The following CHP1 variants were observed in gnomAD, a reference collection of about 807,000 sequenced individuals.
The protein encoded by CHP1 is calcineurin B homologous protein 1.
In CHP1, 11 loss-of-function variants were observed where a neutral mutation model predicts 27.4. The ratio of observed to expected loss-of-function variants is 0.40; its 90% CI spans 0.25 to 0.67. The LOEUF is 0.67. CHP1 is among the 30% of genes least tolerant of loss of function. The probability of loss-of-function intolerance (pLI) is 0.38; values close to 1 mark genes in which losing one functional copy is unlikely to be tolerated. For synonymous variants in CHP1, 89 were observed against 87.4 expected, an observed-to-expected ratio of 1.02 and a Z score of -0.10; for missense variants, 169 against 251.3, an observed-to-expected ratio of 0.67 and a Z score of 2.22.
chr15:41,260,349 A>T (rs1328960245), intron 3 of CHP1, among the ~76,000 whole-genome samples: 2 of 151,946 alleles, frequency 1.3e-5, no homozygotes, highest in African/African-American at 2.4e-5. Flanking sequence ...ATTTTCTCCA[A>T]GCTTAAGTAC....
chr15:41,278,042 T>G (rs2047528006), intron 5 of CHP1, among the ~76,000 whole-genome samples: 1 of 150,508 alleles, frequency 6.6e-6, no homozygotes. Context: ...TTTAACAAAT[T>G]TTTTGGCCGG....
In CHP1 at chr15:41,260,903, TG is replaced by T. The variant is rs1253500204; in HGVS notation, c.222-1852del. ...AGAAGAAAATGCATTCATATATATA[TG>T]AGGGAGTCTTGCACCGTCACCTGGG... is the stretch of plus-strand genomic sequence containing the variant. On this transcript the variant is annotated intron_variant, in intron 3 of 6. Transcript: ENST00000334660. 2.6e-5 allele frequency among the ~76,000 whole-genome samples: 4 copies of T among 151,650 alleles called. No homozygotes were observed. In the East Asian group the frequency reaches 7.9e-4, roughly 30 times the overall value.
intron 1 of CHP1, among the ~76,000 whole-genome samples, chr15:41,243,116 G>A (rs1276795911): frequency 6.6e-6 from 1 of 152,122 alleles, no homozygotes; most frequent in African/African-American, 2.4e-5. Context: ...GAGGCGAGTG[G>A]ATCACCTGAG....
At chr15:41,256,770 A>C (rs1043200577) in intron 2 of CHP1, 140 bp from the exon 3 acceptor site, 8 of 704,624 alleles carry the variant, frequency 1.1e-5, no homozygotes, top group Non-Finnish European at 2.1e-5. Flanking sequence ...TATTCTTTGC[A>C]GTTATTTGGT....
intron 5 of CHP1, among the ~76,000 whole-genome samples, chr15:41,275,011 A>C (rs892284597): frequency 2.6e-5 from 4 of 151,970 alleles, no homozygotes; most frequent in African/African-American, 9.7e-5. Flanking sequence ...GCTGGTCTCC[A>C]ACTCCTGACC....
At chr15:41,273,437 A>AG (rs1217984698) in intron 5 of CHP1, among the ~76,000 whole-genome samples, 1 of 152,084 alleles carries the variant, frequency 6.6e-6, no homozygotes, top group Non-Finnish European at 1.5e-5. Context: ...GCTGGAGAGC[A>AG]GTGGCGTGAT....
intron 5 of CHP1, among the ~76,000 whole-genome samples, chr15:41,277,083 T>C (rs1346084622): frequency 6.6e-6 from 1 of 152,182 alleles, no homozygotes; most frequent in African/African-American, 2.4e-5. Context: ...ATTGCCTAGA[T>C]GAGAAGATAA....
Position 41,243,688 on chromosome 15 carries a change from G to A in CHP1, c.89G>A (p.Arg30His), listed in dbSNP as rs755681626. Residue 30 changes from arginine (R) to histidine (H), a missense_variant, in exon 2 of 7, where the codon CGC (arginine) becomes CAC (histidine). By Grantham distance (29) the Arg-to-His change is conservative. Transcript: ENST00000334660. ...TTAGTTTCCCACAGTCAAATCACTC[G>A]CCTCTACAGCCGGTTCACCAGCCTG... ...ETGFSHSQIT[R>H]LYSRFTSLDK... 5.6e-6 allele frequency: 9 copies of A among 1,613,884 alleles called. No homozygotes were observed. The highest frequency in any genetic ancestry group is 6.8e-6 in the Non-Finnish European group (8 of 1,179,972).
intron 5 of CHP1, among the ~76,000 whole-genome samples, chr15:41,275,550 A>G (rs2047515146): frequency 6.6e-6 from 1 of 152,086 alleles, no homozygotes; most frequent in Non-Finnish European, 1.5e-5. Flanking sequence ...AAAATCATGT[A>G]ATTTACTATT....
chr15:41,264,197 G>A (rs72739605), intron 4 of CHP1: 134,548 of 1,282,832 alleles, frequency 0.1, 8,412 homozygotes, highest in South Asian at 0.22. Context: ...GAGAGAGATC[G>A]AGACTGAAAT....
At chr15:41,260,788 A>G (rs1243461228) in intron 3 of CHP1, among the ~76,000 whole-genome samples, 1 of 152,144 alleles carries the variant, frequency 6.6e-6, no homozygotes, top group Non-Finnish European at 1.5e-5. Context: ...AAATGTTTCA[A>G]AGTATTTATA....
intron 2 of CHP1, among the ~76,000 whole-genome samples, chr15:41,245,592 A>T (rs2047330687): frequency 6.6e-6 from 1 of 152,248 alleles, no homozygotes; most frequent in African/African-American, 2.4e-5. Context: ...AGTCTGTCAT[A>T]TGGATATGCC....
rs34921023 is a variant in CHP1, at chr15:41,280,505, ATTTTTTTTTTTTT to A, written c.*1131_*1143del. ...GGAAGTGCCTAATATCCCAGTCCAA[ATTTTTTTTTTTTT>A]TTTTTTTTTTTTTTGAGACAGAGTC... On this transcript the variant is annotated 3_prime_UTR_variant, in exon 7 of 7. Coordinates refer to ENST00000334660, the MANE Select transcript of CHP1 (RefSeq NM_007236.5). 2 of 111,340 alleles carry A rather than the reference ATTTTTTTTTTTTT, an allele frequency of 1.8e-5. No individual in the cohort carries two copies. Among genetic ancestry groups the A allele is most frequent in the Admixed American group, 1.1e-4 (1 of 8,740 alleles). 6.9% of individuals were successfully genotyped at this position (111,340 alleles called of 1,614,324 possible).
intron 2 of CHP1, chr15:41,256,693 C>T: frequency 1.8e-6 from 1 of 550,746 alleles, no homozygotes; most frequent in East Asian, 3.2e-5. Context: ...TGGAATGTGG[C>T]GTAATCAAAT....
chr15:41,260,060 C>G (rs990531589), intron 3 of CHP1, among the ~76,000 whole-genome samples: 1 of 152,186 alleles, frequency 6.6e-6, no homozygotes, highest in Non-Finnish European at 1.5e-5. Flanking sequence ...AGATGGCTCA[C>G]AGGCTAGCCT....
chr15:41,270,803 A>G (rs2047484823), intron 5 of CHP1, among the ~76,000 whole-genome samples, 185 bp downstream of exon 5: 1 of 152,214 alleles, frequency 6.6e-6, no homozygotes, highest in African/African-American at 2.4e-5. Flanking sequence ...TTTCATAGAC[A>G]GATGTCTCCA....
intron 2 of CHP1, among the ~76,000 whole-genome samples, chr15:41,251,980 G>A (rs556750392): frequency 3.3e-5 from 5 of 151,774 alleles, no homozygotes; most frequent in Admixed American, 6.6e-5. Context: ...GACCTCAGGC[G>A]ATCTGCCCAC....
intron 3 of CHP1, 139 bp downstream of exon 3, chr15:41,257,129 A>G: frequency 1.6e-6 from 1 of 627,702 alleles, no homozygotes; most frequent in Non-Finnish European, 2.8e-6. Context: ...TAATTTTGTC[A>G]TTTCTAGAAT....
intron 4 of CHP1, among the ~76,000 whole-genome samples, chr15:41,266,642 C>T (rs1168010113): frequency 1.3e-5 from 2 of 152,030 alleles, no homozygotes; most frequent in Non-Finnish European, 2.9e-5. Context: ...TAGTGTCCAT[C>T]GACAGATGAA....
Sources: gnomAD v4.1 joint callset for allele counts (sites outside exome capture counted in the v4.1 genomes callset) on GRCh38, gnomAD v4.1.1 for gene constraint, MANE v1.5 for transcripts, NCBI Gene and HGNC (gene_info 2026-07-23, HGNC 2026-07-21) for gene names.